Variants in SLC30A9 observed in about 807,000 individuals in gnomAD.
SLC30A9 encodes proton-coupled zinc antiporter SLC30A9, mitochondrial.
In SLC30A9, 58 loss-of-function variants were observed where a neutral mutation model predicts 87.5. The observed-to-expected ratio is 0.66, with a 90% CI of 0.54 to 0.82. The LOEUF (loss-of-function observed/expected upper bound fraction) is 0.82, where lower values mean the gene tolerates loss of function less well. SLC30A9 is among the 40% of genes least tolerant of loss of function. The pLI is 0.00. For synonymous variants in SLC30A9, 234 were observed against 233.0 expected (o/e 1.00, Z -0.04); for missense variants, 557 against 679.1 (o/e 0.82, Z 2.00).
At chr4:42,036,721 C>T (rs575604524) in intron 7 of SLC30A9, among the ~76,000 whole-genome samples, 2 of 152,308 alleles carry the variant, frequency 1.3e-5, no homozygotes, top group Non-Finnish European at 2.9e-5. Context: ...CATTTATTAT[C>T]TTCAAGACCT....
At chr4:42,020,383 C>A in intron 3 of SLC30A9, 33 bp from the exon 4 acceptor site, 1 of 998,518 alleles carries the variant, frequency 1.0e-6, no homozygotes, top group Non-Finnish European at 1.6e-6. Flanking sequence ...TTTCAATGTG[C>A]ATATTTATTA....
intron 4 of SLC30A9, chr4:42,020,748 T>C (rs190533512): frequency 2.1e-5 from 8 of 378,270 alleles, no homozygotes; most frequent in Middle Eastern, 7.0e-4. Flanking sequence ...AAACCCACAA[T>C]GGTAAATTCT....
intron 2 of SLC30A9, among the ~76,000 whole-genome samples, chr4:42,009,628 G>C (rs1025716931): frequency 4.6e-5 from 7 of 152,160 alleles, no homozygotes; most frequent in African/African-American, 1.7e-4. Flanking sequence ...TATTAAGTTG[G>C]TGCTATGTAA....
At chr4:42,007,269 G>A (rs1213501497) in intron 2 of SLC30A9, among the ~76,000 whole-genome samples, 1 of 152,194 alleles carries the variant, frequency 6.6e-6, no homozygotes, top group East Asian at 1.9e-4. Context: ...TGTTTGGCCA[G>A]CTGTCTAGAT....
At chr4:42,017,249 C>T (rs374465521) in intron 2 of SLC30A9, among the ~76,000 whole-genome samples, 139 of 152,100 alleles carry the variant, frequency 9.1e-4, no homozygotes, top group African/African-American at 3.3e-3. Context: ...GATTGTCCTT[C>T]CTATTTTTTC....
At chr4:42,010,427 T>A (rs1196490067) in intron 2 of SLC30A9, among the ~76,000 whole-genome samples, 1 of 152,108 alleles carries the variant, frequency 6.6e-6, no homozygotes, top group Non-Finnish European at 1.5e-5. Flanking sequence ...CAGTGAGCCC[T>A]GATTGTGCCA....
intron 2 of SLC30A9, among the ~76,000 whole-genome samples, chr4:42,010,643 G>A (rs542701828): frequency 6.6e-6 from 1 of 152,130 alleles, no homozygotes; most frequent in South Asian, 2.1e-4. Flanking sequence ...TAATATATTG[G>A]CATTTAATTG....
chr4:42,049,292 G>A (rs1717292070), intron 8 of SLC30A9, 85 bp from the exon 9 acceptor site: 2 of 722,388 alleles, frequency 2.8e-6, no homozygotes, highest in Non-Finnish European at 2.4e-6. Flanking sequence ...AGAATCTAGT[G>A]TAGAGATATA....
chr4:42,025,912 C>G (rs1716173421), intron 6 of SLC30A9, among the ~76,000 whole-genome samples: 1 of 152,126 alleles, frequency 6.6e-6, no homozygotes, highest in Non-Finnish European at 1.5e-5. Context: ...CTCAGCCTCC[C>G]AAAGTGCTGG....
intron 2 of SLC30A9, among the ~76,000 whole-genome samples, chr4:42,008,055 C>T (rs1715289136): frequency 1.3e-5 from 2 of 152,118 alleles, no homozygotes; most frequent in African/African-American, 2.4e-5. Context: ...ATCTGGCTTC[C>T]GTATTCCTCT....
In SLC30A9 at chr4:42,001,600, A is replaced by G; in HGVS notation, c.110-16A>G. 2.0e-6 allele frequency: 3 copies of G among 1,529,314 alleles called. No individual in the cohort carries two copies. The highest frequency in any genetic ancestry group is 2.7e-6 in the Non-Finnish European group (3 of 1,114,540). 94.7% of individuals were successfully genotyped at this position (1,529,314 alleles called of 1,614,324 possible). On this transcript the variant is annotated splice_polypyrimidine_tract_variant and intron_variant, in intron 1 of 17. Coordinates refer to ENST00000264451, the MANE Select transcript of SLC30A9 (RefSeq NM_006345.4). ...GACTTGGTTTGAAATTAAAGTATATATATTTTTTCTTTTAGAGTGGCAGAA... is the reference window on the plus strand; with the variant it reads ...GACTTGGTTTGAAATTAAAGTATATGTATTTTTTCTTTTAGAGTGGCAGAA...
At chr4:42,078,065 G>C (rs1346668808) in intron 16 of SLC30A9, 147 bp from the exon 17 acceptor site, 4 of 523,018 alleles carry the variant, frequency 7.6e-6, no homozygotes, top group Admixed American at 8.0e-5. Flanking sequence ...TTTGGAAATA[G>C]GTAATCCATT....
At chr4:41,996,693 A>G (rs995978405) in intron 1 of SLC30A9, among the ~76,000 whole-genome samples, 2 of 152,110 alleles carry the variant, frequency 1.3e-5, no homozygotes, top group African/African-American at 4.8e-5. Flanking sequence ...GCAGTGAACC[A>G]TGATTGCACC....
chr4:42,037,781 T>G (rs1716751704), intron 7 of SLC30A9, among the ~76,000 whole-genome samples: 1 of 152,160 alleles, frequency 6.6e-6, no homozygotes, highest in Non-Finnish European at 1.5e-5. Context: ...ATGGAATTTT[T>G]TAATATTTTA....
chr4:42,033,087 T>C (rs184852927), intron 6 of SLC30A9, among the ~76,000 whole-genome samples: 22 of 152,316 alleles, frequency 1.4e-4, no homozygotes, highest in Admixed American at 2.6e-4. Context: ...TTAAAGTCAC[T>C]TAAAATTTTT....
rs58146460 is a variant in SLC30A9, at chr4:42,069,711, G to A, written c.1253-815G>A. ...AAAGATTTAAAACGTATTTATTGGT[G>A]TCTATTATATAAATATTACCTATAC... On this transcript the variant is annotated intron_variant, in intron 14 of 17. Coordinates refer to ENST00000264451, the MANE Select transcript of SLC30A9 (RefSeq NM_006345.4). 6.4e-3 allele frequency among the ~76,000 whole-genome samples: 968 copies of A among 152,318 alleles called. 15 individuals carry two copies. Among genetic ancestry groups the A allele is most frequent in the African/African-American group, 0.022 (931 of 41,574 alleles).
chr4:42,002,193 C>A (rs765372121), intron 2 of SLC30A9, among the ~76,000 whole-genome samples: 5 of 151,266 alleles, frequency 3.3e-5, no homozygotes, highest in Non-Finnish European at 7.4e-5. Context: ...TATCCTATTT[C>A]GTCAATTTTT....
intron 6 of SLC30A9, among the ~76,000 whole-genome samples, chr4:42,032,375 T>C (rs1039623984): frequency 6.6e-6 from 1 of 152,192 alleles, no homozygotes; most frequent in Non-Finnish European, 1.5e-5. Flanking sequence ...ATTTTTGTTA[T>C]TAGTAACCTG....
chr4:41,993,321 C>G (rs1714537969), intron 1 of SLC30A9, among the ~76,000 whole-genome samples: 1 of 152,042 alleles, frequency 6.6e-6, no homozygotes, highest in Non-Finnish European at 1.5e-5. Flanking sequence ...TTTACACTTT[C>G]AGCACATCAC....
Sources: allele counts gnomAD v4.1 joint callset (sites outside exome capture counted in the v4.1 genomes callset), GRCh38; gene constraint gnomAD v4.1.1; transcripts MANE v1.5; gene names NCBI Gene and HGNC (gene_info 2026-07-23, HGNC 2026-07-21).